MYCBP2: variants seen among roughly 807,000 people sequenced by gnomAD.
MYCBP2 encodes the protein E3 ubiquitin-protein ligase MYCBP2.
MYCBP2 carries 120 observed loss-of-function variants against 525.3 expected under a neutral mutation model. The observed-to-expected ratio is 0.23, with a 90% CI of 0.20 to 0.27. The LOEUF (loss-of-function observed/expected upper bound fraction) is 0.27, where lower values mean the gene tolerates loss of function less well. MYCBP2 is among the 10% of genes least tolerant of loss of function. The probability of loss-of-function intolerance (pLI) is 1.00; values close to 1 mark genes in which losing one functional copy is unlikely to be tolerated. For synonymous variants in MYCBP2, 1,894 were observed against 1,955.8 expected (o/e 0.97, Z 0.83); for missense variants, 4,149 against 5,657.1 (o/e 0.73, Z 8.55).
intron 32 of MYCBP2, among the ~76,000 whole-genome samples, chr13:77,182,759 C>T (rs80134907): frequency 0.026 from 3,988 of 152,122 alleles, 83 homozygotes; most frequent in East Asian, 0.052. Flanking sequence ...ATTTTTTTCA[C>T]GAAGGAGGGC....
At chr13:77,292,957 T>TG (rs1567178451) in intron 2 of MYCBP2, among the ~76,000 whole-genome samples, 8 of 58,648 alleles carry the variant, frequency 1.4e-4, no homozygotes, top group African/African-American at 4.8e-4. Context: ...AGACTCCGTC[T>TG]CAAAAAAAAA....
intron 20 of MYCBP2, among the ~76,000 whole-genome samples, chr13:77,224,244 C>T (rs2065962772): frequency 6.6e-6 from 1 of 152,074 alleles, no homozygotes; most frequent in Non-Finnish European, 1.5e-5. Context: ...TCTCCTGAAA[C>T]TACAAAATCC....
intron 43 of MYCBP2, among the ~76,000 whole-genome samples, chr13:77,164,226 A>C (rs2058277973): frequency 1.3e-5 from 2 of 152,190 alleles, no homozygotes; most frequent in African/African-American, 4.8e-5. Flanking sequence ...GGCTCAAAGC[A>C]TGTATATGCA....
In MYCBP2 at chr13:77,177,763, C is replaced by T. The variant is rs765188578; in HGVS notation, c.5325G>A (p.Glu1775=). The stretch of plus-strand genomic sequence containing the variant: ...TGATACTTACATCATCAACCAACAC[C>T]TCTAATTCATATTCATGAATTCCAC... ...GGGGIHEYEL[E]VLVDDSEHAG... is the part of the protein sequence containing the mutation. The change falls in exon 35 of 83, where the codon GAG becomes GAA. Residue 1775 remains glutamate, a synonymous_variant. Transcript: ENST00000544440. 7.4e-6 allele frequency: 12 copies of T among 1,613,188 alleles called. No homozygotes were observed. In the South Asian group the frequency reaches 1.1e-4, roughly 15 times the overall value.
chr13:77,121,409 C>T lies in MYCBP2; in HGVS notation c.8104G>A (p.Ala2702Thr). 6.3e-7 allele frequency: 1 copy of T among 1,595,330 alleles called. No homozygotes were observed. The highest frequency in any genetic ancestry group is 8.6e-7 in the Non-Finnish European group (1 of 1,167,288). The change falls in exon 55 of 83, where the codon GCC becomes ACC. Residue 2702 changes from alanine to threonine, a missense_variant. This residue lies in a region of MYCBP2 where 653 missense variants were observed against 744.7 expected (regional missense o/e 0.88). Coordinates refer to ENST00000544440, the MANE Select transcript of MYCBP2 (RefSeq NM_015057.5). Reference protein sequence around the residue: ...QAFNKGASCSAQGFDYGLGNS... With the variant: ...QAFNKGASCSTQGFDYGLGNS... ...CCGAGTCCATAATCAAATCCTTGGG[C>T]ACTGCAACTTGCCCCTTTATTAAAA... is the stretch of plus-strand genomic sequence containing the variant.
At position 77,067,706 on chromosome 13, in the gene MYCBP2, T is replaced by A; in HGVS notation, c.12330A>T (p.Leu4110=). 2 of 1,614,158 alleles carry A rather than the reference T, an allele frequency of 1.2e-6. No individual in the cohort carries two copies. The highest frequency in any genetic ancestry group is 1.7e-6 in the Non-Finnish European group (2 of 1,180,018). The part of the protein sequence containing the change: ...WNKLGILDMF[L]GCIAKALTVQ... ...CAGTGAGTGCTTTGGCAATGCATCCTAGAAACATGTCCAAGATACCCAGCT... is the reference window on the plus strand; with the variant it reads ...CAGTGAGTGCTTTGGCAATGCATCCAAGAAACATGTCCAAGATACCCAGCT... Residue 4110 remains leucine, a synonymous_variant, in exon 71 of 83, where the codon CTA becomes CTT. Transcript: ENST00000544440.
In MYCBP2 at chr13:77,180,271, C is replaced by T; in HGVS notation, c.4989G>A (p.Glu1663=). The T allele has an allele frequency of 6.2e-7, 1 of 1,614,196 alleles. No homozygotes were observed. The highest frequency in any genetic ancestry group is 1.1e-5 in the South Asian group (1 of 91,080). The change falls in exon 34 of 83, where the codon GAG becomes GAA. Residue 1663 remains glutamate, a synonymous_variant. Transcript: ENST00000544440. ...GTAGCACAACAATGACCAGCATTTT[C>T]TCCAGAACTTCACGGAAGCTTGTCA... ...SGMTSFREVL[E]KMLVIVVLPV... is the part of the protein sequence containing the mutation.
Position 77,112,303 on chromosome 13 carries a change from A to T in MYCBP2, c.8140+9070T>A, listed in dbSNP as rs932709822. On this transcript the variant is annotated intron_variant, in intron 55 of 82. Coordinates refer to ENST00000544440, the MANE Select transcript of MYCBP2 (RefSeq NM_015057.5). ...TCTTCTTTATATTATATATATATAA[A>T]ATATATATTTTATATATAATGTTTT... Among the ~76,000 whole-genome samples, 18 of 146,512 alleles carry T rather than the reference A, an allele frequency of 1.2e-4. 2 individuals carry two copies. The highest frequency in any genetic ancestry group is 3.9e-4 in the African/African-American group (16 of 40,526).
At chr13:77,176,975 T>C (rs1403246576) in intron 35 of MYCBP2, among the ~76,000 whole-genome samples, 1 of 152,110 alleles carries the variant, frequency 6.6e-6, no homozygotes, top group African/African-American at 2.4e-5. Flanking sequence ...TAGGCAATGA[T>C]TTACATGCTA....
intron 21 of MYCBP2, among the ~76,000 whole-genome samples, chr13:77,214,159 C>T (rs902257394): frequency 2.6e-5 from 4 of 152,184 alleles, no homozygotes; most frequent in Non-Finnish European, 4.4e-5. Context: ...CAGACTGGCA[C>T]AAATTAAAGG....
Position 77,260,527 on chromosome 13 carries a change from C to G in MYCBP2, c.1918G>C (p.Val640Leu). ...KKIIKMEGKI[V>L]VYTACNNGSS... is the part of the protein sequence containing the mutation. ...CCATTATTGCAGGCTGTATATACCACAATCTTTCCTTCCATCTTAATTATC... is the reference window on the plus strand; with the variant it reads ...CCATTATTGCAGGCTGTATATACCAGAATCTTTCCTTCCATCTTAATTATC... Residue 640 changes from valine to leucine, a missense_variant, in exon 13 of 83, where the codon GTG (valine) becomes CTG (leucine). By Grantham distance (32) the Val-to-Leu change is conservative. Around this residue, in one of 21 missense-constraint regions of MYCBP2, gnomAD observed 262 missense variants for 419.3 expected, o/e 0.62. Transcript: ENST00000544440. The G allele has an allele frequency of 1.2e-6, 2 of 1,611,392 alleles. No homozygotes were observed. The highest frequency in any genetic ancestry group is 1.7e-6 in the Non-Finnish European group (2 of 1,178,778).
intron 15 of MYCBP2, among the ~76,000 whole-genome samples, chr13:77,246,810 G>A (rs1293683769): frequency 6.6e-6 from 1 of 152,108 alleles, no homozygotes; most frequent in Non-Finnish European, 1.5e-5. Flanking sequence ...CTCCTGGAAT[G>A]CAACAAATGA....
At position 77,144,561 on chromosome 13, in the gene MYCBP2, C is replaced by T; in HGVS notation, c.7188-1G>A. The T allele has an allele frequency of 1.2e-6, 2 of 1,601,268 alleles. No homozygotes were observed. The highest frequency in any genetic ancestry group is 1.7e-6 in the Non-Finnish European group (2 of 1,168,668). ...ACGGATCAGCATATTCTCACTGGGT[C>T]TGAAAAGAAATAAGATGGATATTGG... On this transcript the variant is annotated splice_acceptor_variant, in intron 48 of 82. Transcript: ENST00000544440. LOFTEE classifies it high-confidence loss of function.
intron 26 of MYCBP2, among the ~76,000 whole-genome samples, chr13:77,202,328 C>T (rs948526774): frequency 6.6e-6 from 1 of 152,178 alleles, no homozygotes; most frequent in Non-Finnish European, 1.5e-5. Flanking sequence ...CATACACTCT[C>T]CCAAGACTAA....
intron 55 of MYCBP2, among the ~76,000 whole-genome samples, chr13:77,108,534 A>G (rs115016158): frequency 1.9e-3 from 283 of 152,264 alleles, no homozygotes; most frequent in African/African-American, 6.6e-3. Context: ...CAAGGGAAAA[A>G]TATTAATTAT....
chr13:77,076,084 A>G (rs1325952533), intron 68 of MYCBP2: 1 of 152,186 alleles, frequency 6.6e-6, no homozygotes, highest in Non-Finnish European at 1.5e-5. Context: ...CAAAAGTTTT[A>G]GGTATAGTGT....
intron 20 of MYCBP2, among the ~76,000 whole-genome samples, chr13:77,222,334 A>G (rs75341918): frequency 0.029 from 4,491 of 152,332 alleles, 96 homozygotes; most frequent in East Asian, 0.053. Context: ...TAGTCATTAA[A>G]TATTTATGAT....
intron 32 of MYCBP2, among the ~76,000 whole-genome samples, chr13:77,183,938 T>C (rs1248752335): frequency 6.6e-6 from 1 of 152,162 alleles, no homozygotes; most frequent in South Asian, 2.1e-4. Context: ...ACCAACTTTT[T>C]TTCTTCAAAA....
In MYCBP2 at chr13:77,077,370, C is replaced by G; in HGVS notation, c.11502G>C (p.Arg3834Ser). 1 of 1,613,968 alleles carries G rather than the reference C, an allele frequency of 6.2e-7. No homozygotes were observed. The highest frequency in any genetic ancestry group is 8.5e-7 in the Non-Finnish European group (1 of 1,179,896). Residue 3834 changes from arginine to serine, a missense_variant, in exon 67 of 83, where the codon AGG becomes AGC. Around this residue, in one of 21 missense-constraint regions of MYCBP2, gnomAD observed 509 missense variants for 789.4 expected, o/e 0.64. Transcript: ENST00000544440. The part of the protein sequence containing the change: ...CRIKQVDLDS[R>S]HIGWVTSELP... ...GTTCACTTGTTACCCAGCCAATGTGCCTGGAATCCAGATCAACCTGGTTGA... is the reference window on the plus strand; with the variant it reads ...GTTCACTTGTTACCCAGCCAATGTGGCTGGAATCCAGATCAACCTGGTTGA...
Sources: gnomAD v4.1 joint callset for allele counts (sites outside exome capture counted in the v4.1 genomes callset) on GRCh38, gnomAD v4.1.1 for gene constraint, gnomAD v4.1.1 regional missense constraint, MANE v1.5 for transcripts, NCBI Gene and HGNC (gene_info 2026-07-23, HGNC 2026-07-21) for gene names.